The following URI1 variants were observed in gnomAD, a reference collection of about 807,000 sequenced individuals.
URI1 encodes URI1 prefoldin like chaperone.
URI1 carries 39 observed loss-of-function variants against 60.2 expected under a neutral mutation model. The ratio of observed to expected loss-of-function variants is 0.65; its 90% CI spans 0.50 to 0.85. The LOEUF (loss-of-function observed/expected upper bound fraction) is 0.85. URI1 is among the 40% of genes least tolerant of loss of function. The pLI is 0.00. For synonymous variants in URI1, 251 were observed against 236.8 expected, an observed-to-expected ratio of 1.06 and a Z score of -0.55; for missense variants, 691 against 665.9, an observed-to-expected ratio of 1.04 and a Z score of -0.42.
chr19:29,995,537 T>C (rs1366680851), intron 4 of URI1, among the ~76,000 whole-genome samples: 2 of 78,486 alleles, frequency 2.5e-5, no homozygotes, highest in Admixed American at 3.3e-4. Flanking sequence ...CTTTCTTCTT[T>C]TATTTTGTCT....
In URI1 at chr19:29,986,378, G is replaced by A. The variant is rs1451429639; in HGVS notation, c.328G>A (p.Ala110Thr). ...LGDNWFAKCS[A>T]KQAVGLVEHR... The stretch of plus-strand genomic sequence containing the variant: ...GGACAACTGGTTTGCAAAGTGCTCA[G>A]CAAAGCAGGCTGTAGGTTTAGTTGA... Residue 110 changes from alanine to threonine, a missense_variant, in exon 4 of 11, where the codon GCA (alanine) becomes ACA (threonine). Physicochemically the swap from Ala to Thr is moderately conservative, Grantham distance 58. Transcript: ENST00000392271. 6.2e-7 allele frequency: 1 copy of A among 1,609,718 alleles called. No individual in the cohort carries two copies. Among genetic ancestry groups the A allele is most frequent in the African/African-American group, 1.3e-5 (1 of 74,590 alleles).
At chr19:29,986,254 C>T in intron 3 of URI1, 28 bp from the exon 4 acceptor site, 2 of 1,524,396 alleles carry the variant, frequency 1.3e-6, no homozygotes, top group Non-Finnish European at 1.7e-6. Flanking sequence ...TATGTTTTTT[C>T]CCTTTTTTCT....
rs1304396506 is a variant in URI1, at chr19:29,947,662, A to T, written c.117+4998A>T. 2.0e-5 allele frequency among the ~76,000 whole-genome samples: 3 copies of T among 151,964 alleles called. No homozygotes were observed. The East Asian group carries it at 5.8e-4, about 29-fold the overall frequency. ...CATCTGTTAACTACTTTCTATTGGG[A>T]TGTTAGTTATATTCTAATTGATTCA... On this transcript the variant is annotated intron_variant, in intron 1 of 10. Coordinates refer to ENST00000392271, the MANE Select transcript of URI1 (RefSeq NM_003796.3).
chr19:29,988,534 C>T (rs1429457239), intron 4 of URI1, among the ~76,000 whole-genome samples: 2 of 152,220 alleles, frequency 1.3e-5, no homozygotes, highest in African/African-American at 2.4e-5. Context: ...GACGACTTCA[C>T]GTCTGTGTCT....
chr19:30,011,790 C>T (rs1261070633), intron 9 of URI1, among the ~76,000 whole-genome samples: 1 of 150,286 alleles, frequency 6.7e-6, no homozygotes, highest in Non-Finnish European at 1.5e-5. Context: ...CCACCTAGGA[C>T]ATGCTTAAAA....
At position 30,015,231 on chromosome 19, in the gene URI1, GGTAACT is replaced by G; in HGVS notation, c.*165_*170del. 1 of 1,416,422 alleles carries G rather than the reference GGTAACT, an allele frequency of 7.1e-7. No homozygotes were observed. The highest frequency in any genetic ancestry group is 9.2e-7 in the Non-Finnish European group (1 of 1,089,094). 87.7% of individuals were successfully genotyped at this position (1,416,422 alleles called of 1,614,324 possible). On this transcript the variant is annotated 3_prime_UTR_variant, in exon 11 of 11. Transcript: ENST00000392271. ...ACCCGTGGTATTTGAAAAAAATCAA[GGTAACT>G]GTCTGAATACTTTAATATCAGCTTG...
chr19:29,948,834 G>T (rs966765906), intron 1 of URI1, among the ~76,000 whole-genome samples: 1 of 152,148 alleles, frequency 6.6e-6, no homozygotes, highest in Non-Finnish European at 1.5e-5. Flanking sequence ...ATCATGGCCT[G>T]TTCTCAGTGA....
At chr19:29,923,826 C>A in intron 1 of URI1, 1 of 1,423,758 alleles carries the variant, frequency 7.0e-7, no homozygotes, top group Non-Finnish European at 9.6e-7. Context: ...ACTTTAACCA[C>A]ATGGATTAGT....
chr19:29,954,511 C>CTTTTT (rs11411965), intron 1 of URI1, among the ~76,000 whole-genome samples: 19 of 115,904 alleles, frequency 1.6e-4, no homozygotes, highest in African/African-American at 4.7e-4. Flanking sequence ...TACAGATAAA[C>CTTTTT]TTTTTTTTTT....
chr19:29,932,739 C>A (rs1204619501), intron 1 of URI1, among the ~76,000 whole-genome samples: 2 of 151,142 alleles, frequency 1.3e-5, no homozygotes, highest in Non-Finnish European at 2.9e-5. Flanking sequence ...GCAACCTCTG[C>A]CTCCCGGGTT....
rs957479598 is a variant in URI1 at position 30,015,647 on chromosome 19, G to A, written c.*578G>A. ...TTGTACTCTATGGGAAAATTTCTTT[G>A]GAAAGATATTTTGTAAAACTTTTTT... On this transcript the variant is annotated 3_prime_UTR_variant, in exon 11 of 11. Transcript: ENST00000392271. 3.5e-6 allele frequency: 5 copies of A among 1,429,400 alleles called. No individual in the cohort carries two copies. The highest frequency in any genetic ancestry group is 2.8e-6 in the Non-Finnish European group (3 of 1,076,084). The allele number at this position is 1,429,400 out of a possible 1,614,324, so 88.5% of individuals were successfully genotyped here. A position where few individuals can be genotyped will look rare whatever the true frequency, so the allele number is the denominator to read the frequency against.
At chr19:29,997,941 T>G (rs899224596) in intron 4 of URI1, among the ~76,000 whole-genome samples, 2 of 152,096 alleles carry the variant, frequency 1.3e-5, no homozygotes, top group African/African-American at 4.8e-5. Flanking sequence ...ATTTTTGTAT[T>G]TTTAGTAGAG....
intron 7 of URI1, among the ~76,000 whole-genome samples, chr19:30,008,001 C>A (rs552545253): frequency 9.2e-5 from 14 of 151,758 alleles, no homozygotes; most frequent in Non-Finnish European, 1.5e-5. Flanking sequence ...TATGCCACAC[C>A]CAGGATAGTG....
At chr19:30,014,766 G>T in intron 10 of URI1, 121 bp from the exon 11 acceptor site, 1 of 958,954 alleles carries the variant, frequency 1.0e-6, no homozygotes, top group Non-Finnish European at 1.5e-6. Flanking sequence ...TAGTAGTGTT[G>T]TCTAGCCAAA....
chr19:29,995,867 C>T (rs1329742236), intron 4 of URI1, among the ~76,000 whole-genome samples: 4 of 152,132 alleles, frequency 2.6e-5, no homozygotes, highest in Admixed American at 2.6e-4. Flanking sequence ...AAACACTGTC[C>T]TTACCTTTTT....
chr19:30,001,162 A>G (rs778565436), intron 4 of URI1, among the ~76,000 whole-genome samples: 1 of 151,026 alleles, frequency 6.6e-6, no homozygotes, highest in African/African-American at 2.4e-5. Context: ...GGTCTCTAGC[A>G]TTAATGTTCA....
At chr19:29,927,762 A>G (rs1252873732) in intron 1 of URI1, among the ~76,000 whole-genome samples, 1 of 151,380 alleles carries the variant, frequency 6.6e-6, no homozygotes, top group Non-Finnish European at 1.5e-5. Flanking sequence ...TTTTTAGTAG[A>G]GATGGGGTTT....
At chr19:29,944,144 T>TATATATAC (rs2055068588) in intron 1 of URI1, among the ~76,000 whole-genome samples, 1 of 21,742 alleles carries the variant, frequency 4.6e-5, no homozygotes, top group African/African-American at 3.5e-4. Context: ...GTCATTCATA[T>TATATATAC]ATATATATAT....
chr19:29,987,304 G>C (rs1041314075), intron 4 of URI1, among the ~76,000 whole-genome samples: 1 of 152,132 alleles, frequency 6.6e-6, no homozygotes, highest in African/African-American at 2.4e-5. Context: ...AGCTGAACTT[G>C]ATTTCACTTA....
Sources: allele counts gnomAD v4.1 joint callset (sites outside exome capture counted in the v4.1 genomes callset), GRCh38; gene constraint gnomAD v4.1.1; transcripts MANE v1.5; gene names NCBI Gene and HGNC (gene_info 2026-07-23, HGNC 2026-07-21).